The following RALA variants were observed in gnomAD, a reference collection of about 807,000 sequenced individuals.
RALA encodes ras-related protein Ral-A.
A neutral mutation model predicts 24.0 loss-of-function variants in RALA; 5 were observed. The observed-to-expected ratio is 0.21, with a 90% CI of 0.11 to 0.44. RALA has a LOEUF of 0.44. RALA is among the 20% of genes least tolerant of loss of function. The pLI, the probability that RALA is intolerant of heterozygous loss-of-function variation, is 0.99. For synonymous variants in RALA, 77 were observed against 83.8 expected, an observed-to-expected ratio of 0.92 and a Z score of 0.44; for missense variants, 95 against 241.2, an observed-to-expected ratio of 0.39 and a Z score of 4.01.
Position 39,707,296 on chromosome 7 carries a change from C to G in RALA, c.*1051C>G, listed in dbSNP as rs912382806. ...GTCAGTAGTGCTAATGCATTTTGCA[C>G]TAGAACGCTTCGGGAAAATATTCAT... On this transcript the variant is annotated 3_prime_UTR_variant, in exon 5 of 5. Transcript: ENST00000005257. The G allele has an allele frequency of 2.6e-5, 4 of 152,146 alleles. No individual in the cohort carries two copies. Among genetic ancestry groups the G allele is most frequent in the African/African-American group, 9.7e-5 (4 of 41,436 alleles). The allele number at this position is 152,146 out of a possible 1,614,324, so 9.4% of individuals were successfully genotyped here.
intron 1 of RALA, among the ~76,000 whole-genome samples, chr7:39,657,450 A>G (rs1166801250): frequency 1.3e-5 from 2 of 152,260 alleles, no homozygotes. Context: ...AGGTAAACAT[A>G]AAAGCAACTT....
intron 1 of RALA, among the ~76,000 whole-genome samples, chr7:39,651,475 A>T (rs1792017442): frequency 6.6e-6 from 1 of 152,216 alleles, no homozygotes; most frequent in Non-Finnish European, 1.5e-5. Flanking sequence ...ACTCCGTGTC[A>T]TGTGACCAGT....
intron 2 of RALA, 36 bp downstream of exon 2, chr7:39,686,817 C>T (rs757034990): frequency 4.1e-6 from 6 of 1,474,166 alleles, no homozygotes; most frequent in South Asian, 2.3e-5. Flanking sequence ...AAAGTTTAGG[C>T]TTTCAGAGAG....
intron 1 of RALA, among the ~76,000 whole-genome samples, chr7:39,660,492 C>A (rs1199811202): frequency 6.6e-6 from 1 of 152,158 alleles, no homozygotes; most frequent in East Asian, 1.9e-4. Context: ...TATTTCTTTT[C>A]TGTCTCTCTT....
intron 2 of RALA, among the ~76,000 whole-genome samples, chr7:39,689,436 T>C (rs1470270934): frequency 6.6e-6 from 1 of 152,228 alleles, no homozygotes; most frequent in Admixed American, 6.5e-5. Context: ...TAACAGGCAC[T>C]GTTATAGGCT....
chr7:39,668,797 CAAA>C (rs70996827), intron 1 of RALA, among the ~76,000 whole-genome samples: 13 of 81,864 alleles, frequency 1.6e-4, no homozygotes, highest in African/African-American at 3.3e-4. Context: ...AATTCCATCT[CAAA>C]AAAAAAAAAA....
At chr7:39,662,204 G>C (rs1419220707) in intron 1 of RALA, among the ~76,000 whole-genome samples, 1 of 151,094 alleles carries the variant, frequency 6.6e-6, no homozygotes, top group Non-Finnish European at 1.5e-5. Context: ...GATGGGAGAG[G>C]CTGCCACAAA....
chr7:39,630,801 A>G (rs1174611383), intron 1 of RALA, among the ~76,000 whole-genome samples: 1 of 152,094 alleles, frequency 6.6e-6, no homozygotes, highest in Non-Finnish European at 1.5e-5. Flanking sequence ...GCAGTTGGGT[A>G]TATTTTTTTT....
rs142802779 is a variant in RALA, at chr7:39,670,421, A to G, written c.-37-16210A>G. Among the ~76,000 whole-genome samples the G allele has an allele frequency of 2.0e-3, 304 of 152,350 alleles. 1 individual carries two copies. Among genetic ancestry groups the G allele is most frequent in the African/African-American group, 6.9e-3 (286 of 41,582 alleles). On this transcript the variant is annotated intron_variant, in intron 1 of 4. Coordinates refer to ENST00000005257, the MANE Select transcript of RALA (RefSeq NM_005402.4). ...CTCAGCCTCCCAAAATGCTGGGATT[A>G]TAGGTGTTAGCCACCATGCTCAGCT...
At chr7:39,699,342 T>G (rs1057303635) in intron 4 of RALA, among the ~76,000 whole-genome samples, 155 of 150,934 alleles carry the variant, frequency 1.0e-3, no homozygotes, top group Middle Eastern at 6.8e-3. Flanking sequence ...GGGTTTCACC[T>G]TGTTAGCCAG....
chr7:39,654,403 T>G (rs955976599), intron 1 of RALA, among the ~76,000 whole-genome samples: 4 of 152,204 alleles, frequency 2.6e-5, no homozygotes, highest in Non-Finnish European at 5.9e-5. Context: ...AATAAGTAAT[T>G]GGAAAGATCT....
intron 1 of RALA, among the ~76,000 whole-genome samples, chr7:39,638,572 A>G (rs1246452011): frequency 1.3e-5 from 2 of 151,894 alleles, no homozygotes; most frequent in Non-Finnish European, 2.9e-5. Flanking sequence ...CCTCCCAAGT[A>G]GCTGGGACCA....
chr7:39,675,739 TAAAA>T (rs752072089), intron 1 of RALA, among the ~76,000 whole-genome samples: 2 of 116,350 alleles, frequency 1.7e-5, no homozygotes, highest in African/African-American at 2.9e-5. Context: ...TCTGGGAAAT[TAAAA>T]AAAAAAAAAA....
At chr7:39,686,027 G>A (rs1340708273) in intron 1 of RALA, among the ~76,000 whole-genome samples, 7 of 152,056 alleles carry the variant, frequency 4.6e-5, no homozygotes, top group African/African-American at 9.7e-5. Context: ...CCAACATGGC[G>A]AAACCCTGTC....
chr7:39,642,210 G>A (rs115358039), intron 1 of RALA, among the ~76,000 whole-genome samples: 69 of 152,338 alleles, frequency 4.5e-4, no homozygotes, highest in African/African-American at 1.6e-3. Flanking sequence ...TCAGAGCACA[G>A]TGGCTTAGAG....
intron 1 of RALA, among the ~76,000 whole-genome samples, chr7:39,671,831 A>G (rs2116025559): frequency 6.6e-6 from 1 of 152,272 alleles, no homozygotes. Context: ...TGAAAATACT[A>G]AGTTGTTATG....
At chr7:39,677,896 GTTGT>G (rs1271869156) in intron 1 of RALA, among the ~76,000 whole-genome samples, 6 of 137,492 alleles carry the variant, frequency 4.4e-5, no homozygotes, top group Admixed American at 7.5e-5. Flanking sequence ...TTTTGATGGG[GTTGT>G]TTGTTTTTTT....
chr7:39,681,722 C>T (rs1165933993), intron 1 of RALA, among the ~76,000 whole-genome samples: 1 of 152,114 alleles, frequency 6.6e-6, no homozygotes, highest in East Asian at 1.9e-4. Flanking sequence ...CCTAAGAAAG[C>T]TCATGCCATT....
At chr7:39,650,008 G>A (rs1791993726) in intron 1 of RALA, among the ~76,000 whole-genome samples, 1 of 152,180 alleles carries the variant, frequency 6.6e-6, no homozygotes, top group Non-Finnish European at 1.5e-5. Context: ...GAGAATAAAA[G>A]GAACAGAATT....
Sources: allele counts gnomAD v4.1 joint callset (sites outside exome capture counted in the v4.1 genomes callset), GRCh38; gene constraint gnomAD v4.1.1; transcripts MANE v1.5; gene names NCBI Gene and HGNC (gene_info 2026-07-23, HGNC 2026-07-21).